The following TERB1 variants were observed in gnomAD, a reference collection of about 807,000 sequenced individuals.
TERB1 encodes telomere repeat binding bouquet formation protein 1.
Under a neutral mutation model 92.3 loss-of-function variants are expected in TERB1, and 63 were observed. The ratio of observed to expected loss-of-function variants is 0.68; its 90% CI spans 0.56 to 0.84. The LOEUF is 0.84. TERB1 is among the 40% of genes least tolerant of loss of function. TERB1 has a pLI of 0.00. For synonymous variants in TERB1, 252 were observed against 283.9 expected, an observed-to-expected ratio of 0.89 and a Z score of 1.13; for missense variants, 709 against 843.7, an observed-to-expected ratio of 0.84 and a Z score of 1.98.
chr16:66,768,825 C>T (rs996243058), intron 14 of TERB1, among the ~76,000 whole-genome samples: 24 of 152,086 alleles, frequency 1.6e-4, no homozygotes, highest in African/African-American at 4.6e-4. Flanking sequence ...TAACCCTAGC[C>T]GGGTGCGGTG....
intron 13 of TERB1, 101 bp from the exon 14 acceptor site, chr16:66,770,410 A>G: frequency 1.3e-6 from 1 of 793,198 alleles, no homozygotes; most frequent in Non-Finnish European, 2.0e-6. Flanking sequence ...AAAGTTTATG[A>G]TTGCCAATAG....
chr16:66,791,044 T>G (rs1236495561), intron 3 of TERB1, 25 bp from the exon 4 acceptor site: 2 of 1,330,424 alleles, frequency 1.5e-6, no homozygotes, highest in Non-Finnish European at 2.1e-6. Context: ...TGTCATTATT[T>G]TAAACCAAAA....
rs772293795 is a variant in TERB1, at chr16:66,770,158, T to C, written c.1424A>G (p.Tyr475Cys). The C allele has an allele frequency of 1.1e-5, 17 of 1,552,256 alleles. No homozygotes were observed. In the East Asian group the frequency reaches 2.2e-4, roughly 20 times the overall value. ...TTTAGACATGACTCCATGGGACTTA[T>C]AACTCTGTAACTGTCTAGAATGGCT... ...DKSHSRQLQS[Y>C]KSHGVMSKAC... The change falls in exon 14 of 19, where the codon TAT becomes TGT. Residue 475 changes from tyrosine to cysteine, a missense_variant. By Grantham distance (194) the Tyr-to-Cys change is radical (BLOSUM62 -2). Transcript: ENST00000433154.
intron 5 of TERB1, among the ~76,000 whole-genome samples, chr16:66,790,329 G>A (rs2018808717): frequency 7.1e-6 from 1 of 141,644 alleles, no homozygotes; most frequent in Non-Finnish European, 1.5e-5. Flanking sequence ...GGGAGGGGAA[G>A]GGAAGAGAAA....
chr16:66,790,498 AAAAG>A (rs372575278), intron 5 of TERB1, 93 bp downstream of exon 5: 32 of 928,282 alleles, frequency 3.4e-5, no homozygotes, highest in Non-Finnish European at 4.7e-5. Flanking sequence ...ACATGTAAAA[AAAAG>A]GAAAGGAAAT....
chr16:66,759,397 T>C (rs2018192039), intron 16 of TERB1, 107 bp from the exon 17 acceptor site: 8 of 851,594 alleles, frequency 9.4e-6, no homozygotes, highest in Non-Finnish European at 1.4e-5. Context: ...AATCAGGAAC[T>C]ATAAACACCT....
chr16:66,755,106 C>G lies in TERB1; in HGVS notation c.2054G>C (p.Gly685Ala). Residue 685 changes from glycine to alanine, a missense_variant, in exon 19 of 19, where the codon GGA becomes GCA. Physicochemically the swap from Gly to Ala is moderately conservative, Grantham distance 60. Transcript: ENST00000433154. ...CCAGTGATTTCCCATTTTCTTAACT[C>G]CATTGAAAAGGTAATTTACTTCTTC... Reference protein sequence around the residue: ...TEEEVNYLFNGVKKMGNHWNS... With the variant: ...TEEEVNYLFNAVKKMGNHWNS... 5 of 1,550,726 alleles carry G rather than the reference C, an allele frequency of 3.2e-6. No homozygotes were observed. The highest frequency in any genetic ancestry group is 4.4e-6 in the Non-Finnish European group (5 of 1,146,242).
intron 16 of TERB1, among the ~76,000 whole-genome samples, chr16:66,765,903 C>T (rs1259869092): frequency 1.6e-4 from 19 of 122,562 alleles, no homozygotes; most frequent in African/African-American, 2.2e-4. Context: ...CTCGCTCTGT[C>T]GCCCAGGCCG....
intron 14 of TERB1, among the ~76,000 whole-genome samples, chr16:66,769,471 C>CTT (rs765536983): frequency 5.3e-5 from 8 of 152,296 alleles, no homozygotes; most frequent in Non-Finnish European, 1.2e-4. Flanking sequence ...CACAAACTAA[C>CTT]TGCAAGGGAA....
intron 6 of TERB1, among the ~76,000 whole-genome samples, chr16:66,787,764 C>T (rs2018753157): frequency 6.6e-6 from 1 of 152,004 alleles, no homozygotes; most frequent in South Asian, 2.1e-4. Context: ...TGCTAATAAC[C>T]CACTTTTCTT....
chr16:66,797,761 C>A (rs1288319302), intron 2 of TERB1, among the ~76,000 whole-genome samples: 6 of 149,948 alleles, frequency 4.0e-5, no homozygotes, highest in Non-Finnish European at 7.4e-5. Flanking sequence ...ACTATGATGT[C>A]CAGACTGGTC....
chr16:66,761,191 C>A (rs1374884878), intron 16 of TERB1, among the ~76,000 whole-genome samples: 2 of 150,938 alleles, frequency 1.3e-5, no homozygotes, highest in African/African-American at 4.9e-5. Context: ...GTGGCTCATG[C>A]CTGTAACCGC....
chr16:66,789,017 CAAAAAAAAA>C (rs57876042), intron 5 of TERB1, among the ~76,000 whole-genome samples: 3 of 68,330 alleles, frequency 4.4e-5, no homozygotes, highest in Non-Finnish European at 9.0e-5. Flanking sequence ...GGTATGGTAC[CAAAAAAAAA>C]AAAAAAAAAA....
At chr16:66,774,500 T>C (rs2018511387) in intron 12 of TERB1, among the ~76,000 whole-genome samples, 1 of 152,000 alleles carries the variant, frequency 6.6e-6, no homozygotes, top group Non-Finnish European at 1.5e-5. Context: ...CATTTTTAAA[T>C]AAATGAATGT....
intron 14 of TERB1, 119 bp from the exon 15 acceptor site, chr16:66,768,287 C>A: frequency 1.4e-6 from 1 of 707,208 alleles, no homozygotes; most frequent in Admixed American, 2.7e-5. Flanking sequence ...AACCTGGAAT[C>A]ACGATCTACC....
At position 66,759,124 on chromosome 16, in the gene TERB1, G is replaced by A; in HGVS notation, c.1930+17C>T. The stretch of plus-strand genomic sequence containing the variant: ...GTATAGCCATAATTACAATTTTAAA[G>A]CTGCTGAATTAATTACTTTTGTTAC... On this transcript the variant is annotated intron_variant, in intron 17 of 18. Coordinates refer to ENST00000433154, the MANE Select transcript of TERB1 (RefSeq NM_001136505.2). The A allele has an allele frequency of 1.3e-6, 2 of 1,519,916 alleles. No individual in the cohort carries two copies. The highest frequency in any genetic ancestry group is 1.3e-5 in the South Asian group (1 of 79,416). The allele number at this position is 1,519,916 out of a possible 1,614,324, so 94.2% of individuals were successfully genotyped here.
At chr16:66,787,148 G>C (rs2018742615) in intron 6 of TERB1, among the ~76,000 whole-genome samples, 1 of 152,066 alleles carries the variant, frequency 6.6e-6, no homozygotes, top group Non-Finnish European at 1.5e-5. Flanking sequence ...ACTCAGGCTG[G>C]AGTACAGTGG....
At chr16:66,768,875 G>A (rs760798217) in intron 14 of TERB1, among the ~76,000 whole-genome samples, 14 of 152,040 alleles carry the variant, frequency 9.2e-5, no homozygotes, top group East Asian at 3.9e-4. Context: ...AGGCTGAGGC[G>A]GGCAGATCAC....
intron 3 of TERB1, among the ~76,000 whole-genome samples, chr16:66,793,223 T>G (rs1261636084): frequency 2.1e-5 from 3 of 142,316 alleles, no homozygotes; most frequent in African/African-American, 7.8e-5. Flanking sequence ...TTTTTTTTTT[T>G]TTTTTTTTTT....
Sources: gnomAD v4.1 joint callset for allele counts (sites outside exome capture counted in the v4.1 genomes callset) on GRCh38, gnomAD v4.1.1 for gene constraint, MANE v1.5 for transcripts, NCBI Gene and HGNC (gene_info 2026-07-23, HGNC 2026-07-21) for gene names.